Variants in SLC4A10 observed in about 807,000 individuals in gnomAD.
SLC4A10 encodes the protein sodium-driven chloride bicarbonate exchanger.
In SLC4A10, 42 loss-of-function variants were observed where a neutral mutation model predicts 137.7. The ratio of observed to expected loss-of-function variants is 0.30; its 90% CI spans 0.24 to 0.39. SLC4A10 has a LOEUF of 0.39. SLC4A10 is among the 10% of genes least tolerant of loss of function. The pLI is 1.00. For synonymous variants in SLC4A10, 474 were observed against 464.1 expected (o/e 1.02, Z -0.27); for missense variants, 925 against 1,355.0 (o/e 0.68, Z 4.98).
intron 15 of SLC4A10, among the ~76,000 whole-genome samples, chr2:161,932,991 G>T (rs2105652820): frequency 6.6e-6 from 1 of 152,136 alleles, no homozygotes; most frequent in South Asian, 2.1e-4. Flanking sequence ...TTCTGTGCCT[G>T]GCTTATTCCA....
intron 1 of SLC4A10, among the ~76,000 whole-genome samples, chr2:161,759,984 T>C (rs1446272231): frequency 6.6e-6 from 1 of 152,028 alleles, no homozygotes; most frequent in African/African-American, 2.4e-5. Context: ...TTTTGTCATT[T>C]CTTTGTAGGT....
chr2:161,713,061 A>G (rs1432383212), intron 1 of SLC4A10, among the ~76,000 whole-genome samples: 1 of 151,822 alleles, frequency 6.6e-6, no homozygotes. Flanking sequence ...GCCAACATAG[A>G]GAGAAAAGGT....
intron 1 of SLC4A10, among the ~76,000 whole-genome samples, chr2:161,637,188 G>C (rs983852039): frequency 6.8e-6 from 1 of 147,364 alleles, no homozygotes; most frequent in African/African-American, 2.5e-5. Flanking sequence ...CATATATCTA[G>C]AGAGAGAGAG....
At chr2:161,773,174 G>C (rs1021950000) in intron 2 of SLC4A10, among the ~76,000 whole-genome samples, 2 of 151,884 alleles carry the variant, frequency 1.3e-5, no homozygotes, top group African/African-American at 2.4e-5. Flanking sequence ...GGACCTTTGT[G>C]CTGTATCATT....
chr2:161,784,427 T>A (rs1264677983), intron 2 of SLC4A10, among the ~76,000 whole-genome samples: 1 of 151,874 alleles, frequency 6.6e-6, no homozygotes, highest in Non-Finnish European at 1.5e-5. Flanking sequence ...AACATTTCAC[T>A]CAATAGCAGC....
At chr2:161,702,158 AACC>A (rs1329462334) in intron 1 of SLC4A10, among the ~76,000 whole-genome samples, 1 of 151,974 alleles carries the variant, frequency 6.6e-6, no homozygotes, top group African/African-American at 2.4e-5. Context: ...CTAAGTGTCC[AACC>A]ACAGATGAAT....
At chr2:161,835,792 C>T (rs529273734) in intron 3 of SLC4A10, among the ~76,000 whole-genome samples, 10 of 152,284 alleles carry the variant, frequency 6.6e-5, no homozygotes, top group African/African-American at 9.6e-5. Flanking sequence ...CTAATGCCTC[C>T]GGCCAAGTGG....
intron 1 of SLC4A10, among the ~76,000 whole-genome samples, chr2:161,668,641 G>A (rs960950347): frequency 6.6e-6 from 1 of 151,772 alleles, no homozygotes; most frequent in African/African-American, 2.4e-5. Flanking sequence ...TACTGGTTCA[G>A]GGAATCCATA....
intron 15 of SLC4A10, among the ~76,000 whole-genome samples, chr2:161,917,999 C>T (rs1291719555): frequency 1.3e-5 from 2 of 152,190 alleles, no homozygotes; most frequent in Non-Finnish European, 2.9e-5. Context: ...ACATCTAATG[C>T]TTTGTCGAAC....
intron 8 of SLC4A10, 110 bp downstream of exon 8, chr2:161,874,115 C>A: frequency 9.0e-7 from 1 of 1,111,838 alleles, no homozygotes; most frequent in Non-Finnish European, 1.3e-6. Flanking sequence ...ATCTGCCACT[C>A]TAAGAACTAT....
At chr2:161,828,855 G>A (rs1259518369) in intron 3 of SLC4A10, among the ~76,000 whole-genome samples, 1 of 133,456 alleles carries the variant, frequency 7.5e-6, no homozygotes, top group African/African-American at 2.8e-5. Flanking sequence ...GCATGCAGTG[G>A]ATTTCAGACC....
intron 1 of SLC4A10, among the ~76,000 whole-genome samples, chr2:161,766,430 G>C (rs1370203786): frequency 6.6e-6 from 1 of 152,028 alleles, no homozygotes; most frequent in Non-Finnish European, 1.5e-5. Context: ...CACTGCTTAG[G>C]GGAAAACATC....
chr2:161,780,508 G>A (rs1161060083), intron 2 of SLC4A10, among the ~76,000 whole-genome samples: 2 of 151,892 alleles, frequency 1.3e-5, no homozygotes, highest in Admixed American at 1.3e-4. Context: ...TTAATGAAAA[G>A]CTCAGTACCA....
intron 1 of SLC4A10, among the ~76,000 whole-genome samples, chr2:161,654,474 A>C (rs2037237565): frequency 6.6e-6 from 1 of 152,166 alleles, no homozygotes; most frequent in East Asian, 1.9e-4. Flanking sequence ...AGTGTCATGA[A>C]GCTTTTCCTC....
rs373316499 is a variant in SLC4A10, at chr2:161,827,179, G to A, written c.278-12610G>A. Among the ~76,000 whole-genome samples the A allele has an allele frequency of 2.6e-5, 4 of 152,236 alleles. No homozygotes were observed. The South Asian group carries it at 8.3e-4, about 32-fold the overall frequency. On this transcript the variant is annotated intron_variant, in intron 3 of 26. Transcript: ENST00000446997. ...AATCTTAAACCTTATTACTTCTCCAGTGTTGAGTCTTCTTCTCTCTCAAGA... is the reference window on the plus strand; with the variant it reads ...AATCTTAAACCTTATTACTTCTCCAATGTTGAGTCTTCTTCTCTCTCAAGA...
At chr2:161,881,659 T>A (rs1416671605) in intron 9 of SLC4A10, among the ~76,000 whole-genome samples, 1 of 152,014 alleles carries the variant, frequency 6.6e-6, no homozygotes, top group Non-Finnish European at 1.5e-5. Flanking sequence ...ATTGACCTTC[T>A]CAGAGACAGG....
chr2:161,751,608 A>T (rs951805787), intron 1 of SLC4A10, among the ~76,000 whole-genome samples: 1 of 151,694 alleles, frequency 6.6e-6, no homozygotes, highest in African/African-American at 2.4e-5. Flanking sequence ...TATTGAGTAT[A>T]TTTGTGGGAG....
Position 161,976,891 on chromosome 2 carries a change from A to C in SLC4A10, c.3344+15A>C. Reference sequence around the variant, plus strand: ...CCTTCCAAAAGGTTTGGATTTTAAAATAATGAGAATTTATACTAATTCCAA... The same window carrying C: ...CCTTCCAAAAGGTTTGGATTTTAAACTAATGAGAATTTATACTAATTCCAA... On this transcript the variant is annotated intron_variant, in intron 25 of 26. Coordinates refer to ENST00000446997, the MANE Select transcript of SLC4A10 (RefSeq NM_001178015.2). 7.1e-7 allele frequency: 1 copy of C among 1,398,750 alleles called. No homozygotes were observed. Among genetic ancestry groups the C allele is most frequent in the African/African-American group, 1.4e-5 (1 of 69,676 alleles). 86.6% of individuals were successfully genotyped at this position (1,398,750 alleles called of 1,614,324 possible).
At chr2:161,709,467 C>T (rs1322197170) in intron 1 of SLC4A10, among the ~76,000 whole-genome samples, 1 of 151,474 alleles carries the variant, frequency 6.6e-6, no homozygotes, top group Non-Finnish European at 1.5e-5. Flanking sequence ...AATATTGATG[C>T]TCTTGGTGCT....
Sources: gnomAD v4.1 joint callset for allele counts (sites outside exome capture counted in the v4.1 genomes callset) on GRCh38, gnomAD v4.1.1 for gene constraint, MANE v1.5 for transcripts, NCBI Gene and HGNC (gene_info 2026-07-23, HGNC 2026-07-21) for gene names.